SLCO3A1: variants seen among roughly 807,000 people sequenced by gnomAD.
SLCO3A1 encodes the protein solute carrier organic anion transporter family member 3A1, also known as PGE1 transporter.
A neutral mutation model predicts 63.1 loss-of-function variants in SLCO3A1; 27 were observed. The observed-to-expected ratio is 0.43, with a 90% confidence interval of 0.32 to 0.59. The LOEUF (loss-of-function observed/expected upper bound fraction) is 0.59. SLCO3A1 is among the 20% of genes least tolerant of loss of function. The probability of loss-of-function intolerance (pLI) is 0.09; values close to 1 mark genes in which losing one functional copy is unlikely to be tolerated. For missense variants in SLCO3A1, 773 were observed against 945.8 expected (o/e 0.82, Z 2.40); for synonymous variants, 473 against 409.9 (o/e 1.15, Z -1.86).
intron 2 of SLCO3A1, among the ~76,000 whole-genome samples, chr15:91,934,260 C>T (rs567181955): frequency 2.0e-5 from 3 of 152,138 alleles, no homozygotes; most frequent in African/African-American, 7.2e-5. Context: ...ACTACTTTGA[C>T]GTCAAGCAGT....
downstream of SLCO3A1, among the ~76,000 whole-genome samples, chr15:92,168,477 A>G (rs2048504878): frequency 6.6e-6 from 1 of 152,228 alleles, no homozygotes. Context: ...CCAATGGGCT[A>G]TGTTCCAATA....
Position 91,944,203 on chromosome 15 carries a change from G to A in SLCO3A1, c.646+27745G>A, listed in dbSNP as rs548661031. 2.3e-4 allele frequency among the ~76,000 whole-genome samples: 35 copies of A among 149,060 alleles called. No individual in the cohort carries two copies. The Middle Eastern group carries it at 0.01, about 44-fold the overall frequency. ...CCACTGGCACATAGGAAGCCCTCAC[G>A]TAAGTGTTCACCATTATTTGTATGA... On this transcript the variant is annotated intron_variant, in intron 2 of 9. Transcript: ENST00000318445.
Position 91,854,259 on chromosome 15 carries a change from G to C in SLCO3A1, c.180+171G>C. The C allele has an allele frequency of 8.8e-7, 1 of 1,135,344 alleles. No individual in the cohort carries two copies. Among genetic ancestry groups the C allele is most frequent in the Non-Finnish European group, 1.1e-6 (1 of 911,538 alleles). The allele number at this position is 1,135,344 out of a possible 1,614,324, so 70.3% of individuals were successfully genotyped here. A position where few individuals can be genotyped will look rare whatever the true frequency, so the allele number is the denominator to read the frequency against. On this transcript the variant is annotated intron_variant, in intron 1 of 9. Coordinates refer to ENST00000318445, the MANE Select transcript of SLCO3A1 (RefSeq NM_013272.4). The surrounding 1 kb of genome is among the most constrained non-coding windows in gnomAD (Gnocchi z 6.4). ...GCGGCCGCCGGGGGAGCTGCCGGCC[G>C]GGGCTGCCAGCGAGCGGGTAGCGGG...
chr15:91,953,641 A>G (rs767970612), intron 2 of SLCO3A1, among the ~76,000 whole-genome samples: 1 of 152,186 alleles, frequency 6.6e-6, no homozygotes, highest in Non-Finnish European at 1.5e-5. Flanking sequence ...GCTGCCACCC[A>G]GGAGTGGGGA....
chr15:91,977,063 A>C (rs1901143795), intron 2 of SLCO3A1, among the ~76,000 whole-genome samples: 1 of 152,166 alleles, frequency 6.6e-6, no homozygotes, highest in African/African-American at 2.4e-5. Flanking sequence ...TTCTGGAACT[A>C]GATAGGGGTG....
intron 7 of SLCO3A1, among the ~76,000 whole-genome samples, chr15:92,128,716 A>G (rs2047956866): frequency 6.6e-6 from 1 of 152,202 alleles, no homozygotes; most frequent in Non-Finnish European, 1.5e-5. Flanking sequence ...GTAAAAATTC[A>G]AAGGAAGCTG....
chr15:91,999,398 T>G (rs1171716082), intron 2 of SLCO3A1, among the ~76,000 whole-genome samples: 4 of 151,718 alleles, frequency 2.6e-5, no homozygotes, highest in Non-Finnish European at 5.9e-5. Flanking sequence ...TTCCTAAAAA[T>G]TAGAAAAAAG....
At position 91,894,026 on chromosome 15, in the gene SLCO3A1, C is replaced by T. The variant is rs138846224; in HGVS notation, c.181-21967C>T. On this transcript the variant is annotated intron_variant, in intron 1 of 9. Transcript: ENST00000318445. The surrounding 1 kb of genome is among the most constrained non-coding windows in gnomAD (Gnocchi z 4.8). ...CGAAGGTGGTGCTGATCAAAGGAAG[C>T]CTTTCTCAGGAGGGGACGTTTGAGC... is the stretch of plus-strand genomic sequence containing the variant. Among the ~76,000 whole-genome samples the T allele has an allele frequency of 6.6e-6, 1 of 152,246 alleles. No homozygotes were observed. The highest frequency in any genetic ancestry group is 1.5e-5 in the Non-Finnish European group (1 of 68,026).
chr15:92,111,053 C>T (rs2047722894), intron 4 of SLCO3A1, among the ~76,000 whole-genome samples: 1 of 152,236 alleles, frequency 6.6e-6, no homozygotes, highest in Non-Finnish European at 1.5e-5. Flanking sequence ...GCTTGTCCAT[C>T]TTCTGGCAGG....
chr15:92,115,815 CAAAAAAAA>C (rs765666191), intron 4 of SLCO3A1, among the ~76,000 whole-genome samples: 16 of 86,714 alleles, frequency 1.8e-4, no homozygotes, highest in African/African-American at 3.1e-4. Flanking sequence ...TCTCTTCCCT[CAAAAAAAA>C]AAAAAAAAAA....
intron 6 of SLCO3A1, 38 bp from the exon 7 acceptor site, chr15:92,128,313 C>T (rs1159712926): frequency 6.2e-7 from 1 of 1,612,832 alleles, no homozygotes; most frequent in African/African-American, 1.3e-5. Context: ...CCGAATTGAC[C>T]TGTTTCTAAT....
Position 91,875,512 on chromosome 15 carries a change from G to GAGATGA in SLCO3A1, c.180+21425_180+21430dup, listed in dbSNP as rs1897377920. 2.0e-5 allele frequency among the ~76,000 whole-genome samples: 3 copies of GAGATGA among 152,226 alleles called. No homozygotes were observed. The highest frequency in any genetic ancestry group is 6.5e-5 in the Admixed American group (1 of 15,284). On this transcript the variant is annotated intron_variant, in intron 1 of 9. Coordinates refer to ENST00000318445, the MANE Select transcript of SLCO3A1 (RefSeq NM_013272.4). This position sits in a 1 kb window ranked among gnomAD's most constrained non-coding sequence, Gnocchi z 4.5. ...AGGTTGGTTCCTCCCCCGTCAGTTG[G>GAGATGA]AGATGATTAAAGTACCTGCCACAGA...
rs1022668589 is a variant in SLCO3A1 at position 92,164,226 on chromosome 15, G to A, written c.*1091G>A. The A allele has an allele frequency of 3.0e-5, 30 of 984,544 alleles. No individual in the cohort carries two copies. The African/African-American group carries it at 4.6e-4, about 15-fold the overall frequency. 61.0% of individuals were successfully genotyped at this position (984,544 alleles called of 1,614,324 possible). On this transcript the variant is annotated 3_prime_UTR_variant, in exon 10 of 10. Transcript: ENST00000318445. The stretch of plus-strand genomic sequence containing the variant: ...AATGCACCAAAAATATGTGATACAA[G>A]GGATGCAATTAACCTATTGTAATTT...
chr15:92,104,626 T>G, intron 4 of SLCO3A1, 84 bp downstream of exon 4: 2 of 1,345,550 alleles, frequency 1.5e-6, no homozygotes, highest in Non-Finnish European at 2.0e-6. Context: ...CACCCAGGAC[T>G]GGGGTGCTTG....
chr15:91,892,462 T>G (rs1459826687), intron 1 of SLCO3A1, among the ~76,000 whole-genome samples: 1 of 152,202 alleles, frequency 6.6e-6, no homozygotes, highest in Non-Finnish European at 1.5e-5. Flanking sequence ...ACAAGGTAAC[T>G]GGAATGGAGG....
At position 92,053,442 on chromosome 15, in the gene SLCO3A1, G is replaced by A. The variant is rs114582297; in HGVS notation, c.647-41439G>A. Among the ~76,000 whole-genome samples the A allele has an allele frequency of 4.4e-3, 666 of 152,218 alleles. 6 individuals are homozygous for A. The highest frequency in any genetic ancestry group is 0.015 in the African/African-American group (640 of 41,524). ...CCGATGACCAGTATCAATACATTGC[G>A]ATCATCTGAGGTCCACATTTTATTC... On this transcript the variant is annotated intron_variant, in intron 2 of 9. Coordinates refer to ENST00000318445, the MANE Select transcript of SLCO3A1 (RefSeq NM_013272.4).
At chr15:91,963,384 C>G (rs7172159) in intron 2 of SLCO3A1, among the ~76,000 whole-genome samples, 8 of 111,874 alleles carry the variant, frequency 7.2e-5, no homozygotes, top group South Asian at 2.8e-4. Flanking sequence ...GTTTCTCTCT[C>G]GTGAGGGTTT....
intron 2 of SLCO3A1, among the ~76,000 whole-genome samples, chr15:92,062,315 G>C (rs990589553): frequency 5.3e-5 from 8 of 152,190 alleles, no homozygotes. Flanking sequence ...GACAGCTCAA[G>C]GAGCAGGCTG....
intron 4 of SLCO3A1, among the ~76,000 whole-genome samples, chr15:92,108,383 C>G (rs1266588305): frequency 6.6e-6 from 1 of 152,218 alleles, no homozygotes; most frequent in East Asian, 1.9e-4. Flanking sequence ...TTTTACACAC[C>G]TCACATTCGT....
Sources: allele counts gnomAD v4.1 joint callset (sites outside exome capture counted in the v4.1 genomes callset), GRCh38; gene constraint gnomAD v4.1.1; non-coding constraint Gnocchi (gnomAD v3.1); transcripts MANE v1.5; gene names NCBI Gene and HGNC (gene_info 2026-07-23, HGNC 2026-07-21).